VAV2: variants seen among roughly 807,000 people sequenced by gnomAD.
The protein encoded by VAV2 is guanine nucleotide exchange factor VAV2.
A neutral mutation model predicts 132.5 loss-of-function variants in VAV2; 67 were observed. The ratio of observed to expected loss-of-function variants is 0.51; its 90% CI spans 0.42 to 0.62. The LOEUF (loss-of-function observed/expected upper bound fraction) is 0.62, where lower values mean the gene tolerates loss of function less well. Ranked by LOEUF, VAV2 falls within the 20% of genes least tolerant of loss-of-function variation. The pLI is 0.00. For synonymous variants in VAV2, 492 were observed against 443.5 expected (o/e 1.11, Z -1.37); for missense variants, 938 against 1,153.6 (o/e 0.81, Z 2.71).
chr9:133,969,824 T>C lies in VAV2; in HGVS notation c.204+22251A>G, dbSNP rs1842268434. ...CCCCATCTGCCTCTGCCCCAGCCTCTGGGGCTCCAGGCCTCCCTCTCCAGG... is the reference window on the plus strand; with the variant it reads ...CCCCATCTGCCTCTGCCCCAGCCTCCGGGGCTCCAGGCCTCCCTCTCCAGG... On this transcript the variant is annotated intron_variant, in intron 1 of 29. Transcript: ENST00000371850. This position sits in a 1 kb window ranked among gnomAD's most constrained non-coding sequence, Gnocchi z 5.1. Among the ~76,000 whole-genome samples the C allele has an allele frequency of 6.6e-6, 1 of 151,888 alleles. No individual in the cohort carries two copies. Among genetic ancestry groups the C allele is most frequent in the South Asian group, 2.1e-4 (1 of 4,800 alleles).
At chr9:133,950,000 C>T (rs1841502219) in intron 1 of VAV2, among the ~76,000 whole-genome samples, 1 of 152,206 alleles carries the variant, frequency 6.6e-6, no homozygotes, top group Non-Finnish European at 1.5e-5. Context: ...CAAGGACCAG[C>T]AGCCGTGAAG....
At chr9:133,862,505 G>A (rs1374443850) in intron 2 of VAV2, among the ~76,000 whole-genome samples, 1 of 152,240 alleles carries the variant, frequency 6.6e-6, no homozygotes, top group Admixed American at 6.5e-5. Context: ...GCTCGCGTGT[G>A]TGGTCGTGTG....
Position 133,956,958 on chromosome 9 carries a change from C to T in VAV2, c.205-17739G>A, listed in dbSNP as rs1368169465. On this transcript the variant is annotated intron_variant, in intron 1 of 29. Coordinates refer to ENST00000371850, the MANE Select transcript of VAV2 (RefSeq NM_001134398.2). Reference sequence around the variant, plus strand: ...GGGAGCTGAACTCCAGTCCTGGGCGCACCTGTTTGCAGTCACAAAAAGGGC... The same window carrying T: ...GGGAGCTGAACTCCAGTCCTGGGCGTACCTGTTTGCAGTCACAAAAAGGGC... Among the ~76,000 whole-genome samples, 3 of 152,222 alleles carry T rather than the reference C, an allele frequency of 2.0e-5. No homozygotes were observed. The East Asian group carries it at 5.8e-4, about 29-fold the overall frequency.
intron 1 of VAV2, among the ~76,000 whole-genome samples, chr9:133,978,802 T>C (rs1481386322): frequency 6.6e-6 from 1 of 152,274 alleles, no homozygotes; most frequent in Non-Finnish European, 1.5e-5. Context: ...TCCACGGTCC[T>C]GTATTTGTCA....
intron 3 of VAV2, among the ~76,000 whole-genome samples, chr9:133,851,277 A>G (rs1179486): frequency 0.89 from 136,257 of 152,248 alleles, 61,202 homozygotes; most frequent in East Asian, 0.99. Flanking sequence ...CCATTTGCAG[A>G]GGAGGAACCT....
At chr9:133,783,712 C>A in intron 18 of VAV2, 121 bp from the exon 19 acceptor site, 1 of 825,522 alleles carries the variant, frequency 1.2e-6, no homozygotes, top group South Asian at 1.5e-5. Flanking sequence ...CCAGCACACA[C>A]ATCCCTCATA....
rs769772400 is a variant in VAV2 at position 133,885,897 on chromosome 9, T to G, written c.322-24465A>C. Among the ~76,000 whole-genome samples, 1 of 152,182 alleles carries G rather than the reference T, an allele frequency of 6.6e-6. No individual in the cohort carries two copies. Among genetic ancestry groups the G allele is most frequent in the Non-Finnish European group, 1.5e-5 (1 of 68,036 alleles). ...AACCAAACTCAGGTGTTCCTGAGTG[T>G]TCCTGAGAACCAGAGTTCTCAGCTA... On this transcript the variant is annotated intron_variant, in intron 2 of 29. Coordinates refer to ENST00000371850, the MANE Select transcript of VAV2 (RefSeq NM_001134398.2). The surrounding 1 kb of genome is among the most constrained non-coding windows in gnomAD (Gnocchi z 5.0).
At position 133,802,023 on chromosome 9, in the gene VAV2, C is replaced by A. The variant is rs117147371; in HGVS notation, c.836+4058G>T. Among the ~76,000 whole-genome samples, 9 of 152,170 alleles carry A rather than the reference C, an allele frequency of 5.9e-5. No individual in the cohort carries two copies. The highest frequency in any genetic ancestry group is 5.2e-4 in the Admixed American group (8 of 15,284). On this transcript the variant is annotated intron_variant, in intron 9 of 29. Transcript: ENST00000371850. This position sits in a 1 kb window ranked among gnomAD's most constrained non-coding sequence, Gnocchi z 5.8. ...AGCCAAGCCAGGTCACTCACACAGACGCCTTCACCCTCCGTCCACACCACA... is the reference window on the plus strand; with the variant it reads ...AGCCAAGCCAGGTCACTCACACAGAAGCCTTCACCCTCCGTCCACACCACA...
intron 2 of VAV2, among the ~76,000 whole-genome samples, chr9:133,937,030 A>G (rs186310328): frequency 6.6e-6 from 1 of 152,234 alleles, no homozygotes; most frequent in Non-Finnish European, 1.5e-5. Context: ...GTCTTACATC[A>G]CTGCATTCCG....
intron 1 of VAV2, chr9:133,939,439 G>C: frequency 3.4e-6 from 2 of 589,094 alleles, no homozygotes; most frequent in Non-Finnish European, 3.0e-6. Flanking sequence ...AGTGGAAGCA[G>C]GCAGACCAGC....
chr9:133,835,768 G>A (rs1000393463), intron 3 of VAV2, among the ~76,000 whole-genome samples: 13 of 152,334 alleles, frequency 8.5e-5, no homozygotes, highest in African/African-American at 3.1e-4. Context: ...TGCTCCTGCG[G>A]GAGGGCAGGG....
chr9:133,822,856 C>T (rs900800550), intron 4 of VAV2, among the ~76,000 whole-genome samples: 4 of 152,200 alleles, frequency 2.6e-5, no homozygotes, highest in South Asian at 2.1e-4. Context: ...GGGAATGTCC[C>T]GGGCCACAGC....
intron 1 of VAV2, among the ~76,000 whole-genome samples, chr9:133,963,863 C>T (rs1842040765): frequency 6.6e-6 from 1 of 151,540 alleles, no homozygotes; most frequent in African/African-American, 2.4e-5. Context: ...CATGGAAAAC[C>T]ATTTAGGATA....
chr9:133,935,687 G>T lies in VAV2; in HGVS notation c.321+3416C>A, dbSNP rs562664120. On this transcript the variant is annotated intron_variant, in intron 2 of 29. Coordinates refer to ENST00000371850, the MANE Select transcript of VAV2 (RefSeq NM_001134398.2). This position sits in a 1 kb window ranked among gnomAD's most constrained non-coding sequence, Gnocchi z 5.2. ...CCGTGGTGAACGTCCCAGCTCCCCA[G>T]CCTCCGCTGGCCCCAGGCCAGACTC... is the stretch of plus-strand genomic sequence containing the variant. Among the ~76,000 whole-genome samples the T allele has an allele frequency of 6.6e-6, 1 of 152,372 alleles. No individual in the cohort carries two copies. Among genetic ancestry groups the T allele is most frequent in the Non-Finnish European group, 1.5e-5 (1 of 68,026 alleles).
At chr9:133,872,326 T>A (rs1838088713) in intron 2 of VAV2, among the ~76,000 whole-genome samples, 1 of 152,252 alleles carries the variant, frequency 6.6e-6, no homozygotes, top group African/African-American at 2.4e-5. Context: ...CCTCCATGTT[T>A]CCATGGCTGT....
intron 12 of VAV2, 27 bp from the exon 13 acceptor site, chr9:133,791,896 G>A (rs771595598): frequency 2.5e-6 from 4 of 1,593,918 alleles, no homozygotes; most frequent in African/African-American, 1.3e-5. Flanking sequence ...AGAGGTGAGC[G>A]GGCTGTGCTG....
intron 3 of VAV2, among the ~76,000 whole-genome samples, chr9:133,837,523 C>G (rs1264026741): frequency 6.6e-6 from 1 of 151,942 alleles, no homozygotes; most frequent in Non-Finnish European, 1.5e-5. Flanking sequence ...ACGGTGAAAC[C>G]CCGTCTCTAC....
intron 3 of VAV2, among the ~76,000 whole-genome samples, chr9:133,838,694 G>C (rs2131800164): frequency 6.8e-6 from 1 of 146,410 alleles, no homozygotes; most frequent in Non-Finnish European, 1.5e-5. Context: ...TGAGTGGCTA[G>C]CTGGGTGGGT....
In VAV2 at chr9:133,834,680, C is replaced by T. The variant is rs556856629; in HGVS notation, c.381-340G>A. Among the ~76,000 whole-genome samples, 4 of 152,382 alleles carry T rather than the reference C, an allele frequency of 2.6e-5. No individual in the cohort carries two copies. In the South Asian group the frequency reaches 8.3e-4, roughly 32 times the overall value. ...GGCGACCTGCCTTCCCCTTTACCCA[C>T]CCTCCCACTTCCAGGGGGTTCACAG... is the stretch of plus-strand genomic sequence containing the variant. On this transcript the variant is annotated intron_variant, in intron 3 of 29. Transcript: ENST00000371850. This position sits in a 1 kb window ranked among gnomAD's most constrained non-coding sequence, Gnocchi z 5.9.
Sources: gnomAD v4.1 joint callset for allele counts (sites outside exome capture counted in the v4.1 genomes callset) on GRCh38, gnomAD v4.1.1 for gene constraint, Gnocchi (gnomAD v3.1) non-coding constraint, MANE v1.5 for transcripts, NCBI Gene and HGNC (gene_info 2026-07-23, HGNC 2026-07-21) for gene names.